BRSK2: variants seen among roughly 807,000 people sequenced by gnomAD.
BRSK2 encodes the protein BR serine/threonine kinase 2.
In BRSK2, 19 loss-of-function variants were observed where a neutral mutation model predicts 83.3. The observed-to-expected ratio is 0.23, with a 90% CI of 0.16 to 0.33. BRSK2 has a LOEUF of 0.33. BRSK2 is among the 10% of genes least tolerant of loss of function. The pLI is 1.00. For synonymous variants in BRSK2, 519 were observed against 435.4 expected, an observed-to-expected ratio of 1.19 and a Z score of -2.39; for missense variants, 798 against 1,042.3, an observed-to-expected ratio of 0.77 and a Z score of 3.23.
At chr11:1,395,061 G>C (rs562346511) in intron 1 of BRSK2, among the ~76,000 whole-genome samples, 1 of 152,298 alleles carries the variant, frequency 6.6e-6, no homozygotes, top group Non-Finnish European at 1.5e-5. Context: ...GGACCCGGCA[G>C]CCTCCCCAGC....
chr11:1,411,122 G>A (rs1191467341), intron 1 of BRSK2: 3 of 1,204,372 alleles, frequency 2.5e-6, no homozygotes, highest in Middle Eastern at 3.2e-4. Flanking sequence ...GACCAGCTGG[G>A]GATCCTCAGG....
chr11:1,459,719 G>A (rs1564893214), intron 19 of BRSK2, among the ~76,000 whole-genome samples: 1 of 152,188 alleles, frequency 6.6e-6, no homozygotes, highest in Non-Finnish European at 1.5e-5. Flanking sequence ...CCCCAAGAAG[G>A]GTGGGCTCCC....
intron 1 of BRSK2, among the ~76,000 whole-genome samples, chr11:1,408,645 G>A (rs1847084926): frequency 6.6e-6 from 1 of 152,194 alleles, no homozygotes; most frequent in Non-Finnish European, 1.5e-5. Context: ...ACAGGTCAGG[G>A]TTCACGTCGG....
intron 8 of BRSK2, 33 bp from the exon 9 acceptor site, chr11:1,444,938 C>G: frequency 1.2e-6 from 2 of 1,605,680 alleles, no homozygotes; most frequent in Non-Finnish European, 8.5e-7. Context: ...CGTCCCTCGT[C>G]CGTACTAACT....
chr11:1,461,112 G>A lies in BRSK2; in HGVS notation c.*389G>A. Reference sequence around the variant, plus strand: ...AGCCCAGCGCCCCGTCCACCCCGCGGCAGCTCCTCGCCTCAGCTCCGCACG... The same window carrying A: ...AGCCCAGCGCCCCGTCCACCCCGCGACAGCTCCTCGCCTCAGCTCCGCACG... On this transcript the variant is annotated 3_prime_UTR_variant, in exon 20 of 20. Transcript: ENST00000528841. 1 of 1,420,624 alleles carries A rather than the reference G, an allele frequency of 7.0e-7. No individual in the cohort carries two copies. 88.0% of individuals were successfully genotyped at this position (1,420,624 alleles called of 1,614,324 possible). A position where few individuals can be genotyped will look rare whatever the true frequency, so the allele number is the denominator to read the frequency against.
chr11:1,394,088 G>C, intron 1 of BRSK2, among the ~76,000 whole-genome samples: 1 of 142,976 alleles, frequency 7.0e-6, no homozygotes, highest in African/African-American at 2.7e-5. Flanking sequence ...CATGGAGATG[G>C]GTCCCTGGAG....
At chr11:1,453,536 G>A (rs1332379690) in intron 15 of BRSK2, among the ~76,000 whole-genome samples, 1 of 152,218 alleles carries the variant, frequency 6.6e-6, no homozygotes, top group Non-Finnish European at 1.5e-5. Context: ...AGAACAGACA[G>A]CCGCCGAGAC....
intron 1 of BRSK2, among the ~76,000 whole-genome samples, chr11:1,400,748 CGGCTCTGCCTGGGCCCTGCGGCCA>C (rs1846419891): frequency 6.6e-6 from 1 of 152,150 alleles, no homozygotes; most frequent in Non-Finnish European, 1.5e-5. Context: ...GAGGACCTGC[CGGCTCTGCCTGGGCCCTGCGGCCA>C]CCCACCCCGG....
intron 1 of BRSK2, among the ~76,000 whole-genome samples, chr11:1,417,997 G>C (rs1217504372): frequency 2.0e-5 from 3 of 150,480 alleles, no homozygotes; most frequent in African/African-American, 7.4e-5. Flanking sequence ...CTTGAGAGTG[G>C]GTCACCTGTG....
chr11:1,401,427 T>A (rs1846471665), intron 1 of BRSK2, among the ~76,000 whole-genome samples: 1 of 152,184 alleles, frequency 6.6e-6, no homozygotes. Flanking sequence ...AGGTCGCTCT[T>A]CCAGTCCCCC....
At chr11:1,434,864 G>A (rs564152286) in intron 1 of BRSK2, among the ~76,000 whole-genome samples, 44 of 152,254 alleles carry the variant, frequency 2.9e-4, no homozygotes, top group African/African-American at 9.6e-4. Flanking sequence ...GGCCTGGGTT[G>A]TGGGCTCCTG....
intron 3 of BRSK2, among the ~76,000 whole-genome samples, chr11:1,440,523 C>G (rs939900515): frequency 6.6e-6 from 1 of 152,108 alleles, no homozygotes; most frequent in Non-Finnish European, 1.5e-5. Flanking sequence ...GCCCCCAGAA[C>G]CATCCCTTCA....
In BRSK2 at chr11:1,452,713, C is replaced by T. The variant is rs190607616; in HGVS notation, c.1544+1294C>T. On this transcript the variant is annotated intron_variant, in intron 15 of 19. Transcript: ENST00000528841. The stretch of plus-strand genomic sequence containing the variant: ...CACAGATGCCTGCGACAGCCGTTCC[C>T]GAGGGTCCAGCACAGACACCTCCCA... Among the ~76,000 whole-genome samples the T allele has an allele frequency of 4.2e-4, 64 of 152,208 alleles. 2 individuals are homozygous for T. In the South Asian group the frequency reaches 0.012, roughly 29 times the overall value.
chr11:1,419,987 C>G (rs117770991), intron 1 of BRSK2, among the ~76,000 whole-genome samples: 1 of 152,238 alleles, frequency 6.6e-6, no homozygotes, highest in East Asian at 1.9e-4. Flanking sequence ...CTCCAGGCTC[C>G]GCGCCTCCTC....
At chr11:1,433,487 T>G (rs1849863567) in intron 1 of BRSK2, among the ~76,000 whole-genome samples, 1 of 152,254 alleles carries the variant, frequency 6.6e-6, no homozygotes, top group Admixed American at 6.5e-5. Context: ...TCCTGAGGGT[T>G]TTTAGGGGCT....
chr11:1,460,450 T>G (rs1847295687), intron 19 of BRSK2, 50 bp from the exon 20 acceptor site: 2 of 1,189,256 alleles, frequency 1.7e-6, no homozygotes. Context: ...CCCCCTTTTT[T>G]TTCTTTTTTC....
rs1206649975 is a variant in BRSK2 at position 1,462,137 on chromosome 11, T to A, written c.*1414T>A. ...AAGGACAAAGAGTCGGTGGCGCTCC[T>A]CTGCAGGGCGTTCTGTGCAGAGCGA... On this transcript the variant is annotated 3_prime_UTR_variant, in exon 20 of 20. Coordinates refer to ENST00000528841, the MANE Select transcript of BRSK2 (RefSeq NM_001256627.2). 10 of 152,114 alleles carry A rather than the reference T, an allele frequency of 6.6e-5. No individual in the cohort carries two copies. The East Asian group carries it at 1.9e-3, about 29-fold the overall frequency. 9.4% of individuals were successfully genotyped at this position (152,114 alleles called of 1,614,324 possible). A position where few individuals can be genotyped will look rare whatever the true frequency, so the allele number is the denominator to read the frequency against.
intron 12 of BRSK2, 64 bp from the exon 13 acceptor site, chr11:1,449,712 G>A (rs1244846394): frequency 1.4e-6 from 2 of 1,448,094 alleles, no homozygotes; most frequent in African/African-American, 1.4e-5. Flanking sequence ...GGGGAGCAGA[G>A]CCCAGCACCT....
In BRSK2 at chr11:1,390,947, G is replaced by A. The variant is rs1554884054; in HGVS notation, c.91+572G>A. Among the ~76,000 whole-genome samples the A allele has an allele frequency of 6.6e-6, 1 of 152,122 alleles. No homozygotes were observed. The highest frequency in any genetic ancestry group is 1.5e-5 in the Non-Finnish European group (1 of 68,000). On this transcript the variant is annotated intron_variant, in intron 1 of 19. Transcript: ENST00000528841. The surrounding 1 kb of genome is among the most constrained non-coding windows in gnomAD (Gnocchi z 6.8). ...TGCTCCGGCTCGGGCTCGGGCGGGC[G>A]GAGCGTCTGTGACCTGCATTCCCAC...
Sources: gnomAD v4.1 joint callset for allele counts (sites outside exome capture counted in the v4.1 genomes callset) on GRCh38, gnomAD v4.1.1 for gene constraint, Gnocchi (gnomAD v3.1) non-coding constraint, MANE v1.5 for transcripts, NCBI Gene and HGNC (gene_info 2026-07-23, HGNC 2026-07-21) for gene names.